SUN1: variants seen among roughly 807,000 people sequenced by gnomAD.
SUN1 encodes the protein Sad1 and UNC84 domain containing 1, also known as SUN domain-containing protein 1.
SUN1 carries 61 observed loss-of-function variants against 103.2 expected under a neutral mutation model. The ratio of observed to expected loss-of-function variants is 0.59; its 90% CI spans 0.48 to 0.73. The LOEUF (loss-of-function observed/expected upper bound fraction) is 0.73, where lower values mean the gene tolerates loss of function less well. Among genes scored for constraint, SUN1 ranks in the 30% least tolerant of loss-of-function variants. The pLI, the probability that SUN1 is intolerant of heterozygous loss-of-function variation, is 0.00. For synonymous variants in SUN1, 490 were observed against 425.7 expected, an observed-to-expected ratio of 1.15 and a Z score of -1.86; for missense variants, 1,052 against 1,034.6, an observed-to-expected ratio of 1.02 and a Z score of -0.23.
intron 7 of SUN1, 49 bp from the exon 8 acceptor site, chr7:852,560 C>A (rs1562705340): frequency 1.9e-6 from 3 of 1,610,276 alleles, no homozygotes; most frequent in Admixed American, 1.7e-5. Flanking sequence ...GATTGGTGAA[C>A]CCTGACTTTC....
At chr7:839,302 T>C (rs1225202168) in intron 2 of SUN1, 1 of 290,234 alleles carries the variant, frequency 3.4e-6, no homozygotes, top group Non-Finnish European at 6.4e-6. Flanking sequence ...TGGTGGGAGC[T>C]CAGCTACAGC....
intron 1 of SUN1, among the ~76,000 whole-genome samples, chr7:825,811 A>G (rs529087525): frequency 2.6e-5 from 4 of 152,312 alleles, no homozygotes; most frequent in Non-Finnish European, 5.9e-5. Context: ...TCTGCAGGAA[A>G]AATAATGTTT....
At chr7:872,629 A>G in intron 18 of SUN1, 67 bp downstream of exon 18, 1 of 1,299,906 alleles carries the variant, frequency 7.7e-7, no homozygotes, top group South Asian at 1.3e-5. Context: ...AGCAGGGCCC[A>G]GCTGGCATCA....
chr7:873,334 A>G lies in SUN1; in HGVS notation c.*3A>G, dbSNP rs1842962005. ...TTCATGGCGAACCTGTCAAGTGAAG[A>G]CACTACTCATTATTTTTGTACATTT... On this transcript the variant is annotated 3_prime_UTR_variant, in exon 19 of 19. Coordinates refer to ENST00000401592, the MANE Select transcript of SUN1 (RefSeq NM_001130965.3). 3.1e-6 allele frequency: 5 copies of G among 1,611,990 alleles called. No individual in the cohort carries two copies. Among genetic ancestry groups the G allele is most frequent in the Non-Finnish European group, 3.4e-6 (4 of 1,178,116 alleles).
chr7:854,806 C>T (rs770298489), intron 10 of SUN1, 114 bp from the exon 11 acceptor site: 12 of 713,664 alleles, frequency 1.7e-5, no homozygotes, highest in African/African-American at 7.2e-5. Context: ...TGCCACATTG[C>T]GACCACAGAT....
chr7:844,434 T>C (rs1221381304), intron 5 of SUN1, among the ~76,000 whole-genome samples: 1 of 152,222 alleles, frequency 6.6e-6, no homozygotes, highest in Non-Finnish European at 1.5e-5. Flanking sequence ...CGTGGGGCGT[T>C]TGTCCAGTAT....
upstream of SUN1, among the ~76,000 whole-genome samples, chr7:827,933 A>G (rs1794118367): frequency 6.6e-6 from 1 of 152,158 alleles, no homozygotes; most frequent in Non-Finnish European, 1.5e-5. Flanking sequence ...TTTTTGAGAC[A>G]GAGTCTCACT....
upstream of SUN1, chr7:832,062 C>G (rs1192695641): frequency 3.0e-6 from 3 of 990,922 alleles, no homozygotes; most frequent in Admixed American, 5.9e-5. Context: ...CTTCAGCCAT[C>G]TAGGAACGCA....
intron 15 of SUN1, among the ~76,000 whole-genome samples, chr7:863,639 C>G (rs573835930): frequency 3.8e-4 from 58 of 152,350 alleles, no homozygotes; most frequent in Admixed American, 1.6e-3. Flanking sequence ...AACCCTGTGC[C>G]GCAAGTAGCC....
upstream of SUN1, among the ~76,000 whole-genome samples, chr7:829,918 G>C (rs1796423085): frequency 1.3e-5 from 2 of 152,184 alleles, no homozygotes; most frequent in African/African-American, 4.8e-5. Context: ...AATAACCGCA[G>C]CTGACGCCTG....
chr7:824,153 C>T (rs1321291042), intron 1 of SUN1, among the ~76,000 whole-genome samples: 1 of 152,208 alleles, frequency 6.6e-6, no homozygotes. Flanking sequence ...GATTCATATC[C>T]TTATGTGTAT....
upstream of SUN1, among the ~76,000 whole-genome samples, chr7:831,639 A>G (rs1289534430): frequency 1.3e-5 from 2 of 152,230 alleles, no homozygotes; most frequent in Non-Finnish European, 2.9e-5. Flanking sequence ...CAATTTTTAT[A>G]TGTAAACAAT....
At chr7:867,993 G>T (rs1169961668) in intron 16 of SUN1, among the ~76,000 whole-genome samples, 2 of 152,256 alleles carry the variant, frequency 1.3e-5, no homozygotes, top group Admixed American at 6.5e-5. Context: ...GCAAGGGCTA[G>T]GCTTTGGGCT....
intron 15 of SUN1, among the ~76,000 whole-genome samples, chr7:863,221 C>T (rs369668919): frequency 9.9e-5 from 15 of 151,602 alleles, no homozygotes; most frequent in Non-Finnish European, 1.9e-4. Flanking sequence ...CCTGGAGTGC[C>T]GCCCTCCCGA....
At position 853,520 on chromosome 7, in the gene SUN1, T is replaced by C; in HGVS notation, c.1165T>C (p.Leu389=). ...HGENLRELTT[L]LQKLQARVDQ... is the part of the protein sequence containing the mutation. ...TGAGAATCTCCGAGAGCTGACCACT[T>C]TGCTACAGAAGCTGCAGGCTCGGGT... The change falls in exon 10 of 19, where the codon TTG becomes CTG. Residue 389 remains leucine (L), a synonymous_variant. Transcript: ENST00000401592. The C allele has an allele frequency of 6.2e-7, 1 of 1,613,816 alleles. No homozygotes were observed. Among genetic ancestry groups the C allele is most frequent in the Non-Finnish European group, 8.5e-7 (1 of 1,180,036 alleles).
At chr7:865,926 G>A (rs745873041) in intron 15 of SUN1, 26 bp from the exon 16 acceptor site, 1 of 1,604,458 alleles carries the variant, frequency 6.2e-7, no homozygotes, top group South Asian at 1.1e-5. Context: ...ACTGGACACT[G>A]AGACCGATCT....
At position 869,421 on chromosome 7, in the gene SUN1, A is replaced by G. The variant is rs1449743599; in HGVS notation, c.2053A>G (p.Met685Val). ...GTACCTGGTGGTGAGGCTCTCCATGATGATCCACCCAGCCGCCTTCACTCT... is the reference window on the plus strand; with the variant it reads ...GTACCTGGTGGTGAGGCTCTCCATGGTGATCCACCCAGCCGCCTTCACTCT... ...QGYLVVRLSM[M>V]IHPAAFTLEH... Residue 685 changes from methionine (M) to valine (V), a missense_variant, in exon 17 of 19, where the codon ATG (methionine) becomes GTG (valine). Coordinates refer to ENST00000401592, the MANE Select transcript of SUN1 (RefSeq NM_001130965.3). 6.2e-7 allele frequency: 1 copy of G among 1,613,820 alleles called. No individual in the cohort carries two copies. The highest frequency in any genetic ancestry group is 1.3e-5 in the African/African-American group (1 of 74,964).
At chr7:866,235 C>T (rs879272705) in intron 16 of SUN1, among the ~76,000 whole-genome samples, 168 bp downstream of exon 16, 6 of 152,170 alleles carry the variant, frequency 3.9e-5, no homozygotes, top group South Asian at 4.1e-4. Context: ...CCGGTGTCCC[C>T]GTGTAGCCTC....
intron 1 of SUN1, among the ~76,000 whole-genome samples, chr7:837,740 G>A (rs576525593): frequency 4.4e-4 from 67 of 152,320 alleles, no homozygotes; most frequent in Non-Finnish European, 9.0e-4. Context: ...GCCAGCATCC[G>A]TGTCCTCCTG....
Sources: allele counts gnomAD v4.1 joint callset (sites outside exome capture counted in the v4.1 genomes callset), GRCh38; gene constraint gnomAD v4.1.1; transcripts MANE v1.5; gene names NCBI Gene and HGNC (gene_info 2026-07-23, HGNC 2026-07-21).